The following EHHADH variants were observed in gnomAD, a reference collection of about 807,000 sequenced individuals.
EHHADH encodes peroxisomal bifunctional enzyme.
A neutral mutation model predicts 64.4 loss-of-function variants in EHHADH; 48 were observed. That is an observed-to-expected ratio of 0.75 (90% confidence interval 0.59 to 0.95). The LOEUF is 0.95. EHHADH is among the 40% of genes least tolerant of loss of function. The pLI is 0.00. For synonymous variants in EHHADH, 308 were observed against 326.7 expected (o/e 0.94, Z 0.62); for missense variants, 854 against 876.6 (o/e 0.97, Z 0.33).
rs781519143 is a variant in EHHADH, at chr3:185,218,260, CAAT to C, written c.464-23_464-21del. 13 of 1,530,412 alleles carry C rather than the reference CAAT, an allele frequency of 8.5e-6. No individual in the cohort carries two copies. The East Asian group carries it at 9.2e-5, about 11-fold the overall frequency. The allele number at this position is 1,530,412 out of a possible 1,614,324, so 94.8% of individuals were successfully genotyped here. On this transcript the variant is annotated intron_variant, in intron 4 of 6. Transcript: ENST00000231887. ...GTCTTCCTGAAATAAACAACAACAA[CAAT>C]AACAACAAATCAAAGAGCGATGTAA...
chr3:185,252,040 G>A (rs532196659), intron 1 of EHHADH, among the ~76,000 whole-genome samples: 14 of 152,278 alleles, frequency 9.2e-5, no homozygotes, highest in Non-Finnish European at 1.8e-4. Flanking sequence ...CCTGCAAAGA[G>A]GATGGGGGTG....
chr3:185,210,671 G>C (rs1718518170), intron 5 of EHHADH, among the ~76,000 whole-genome samples: 1 of 151,906 alleles, frequency 6.6e-6, no homozygotes, highest in Non-Finnish European at 1.5e-5. Flanking sequence ...TAAAGGTGGG[G>C]CCTAGTAAGA....
chr3:185,242,313 GA>G (rs1292278925), intron 2 of EHHADH, among the ~76,000 whole-genome samples: 4 of 152,056 alleles, frequency 2.6e-5, no homozygotes, highest in South Asian at 4.2e-4. Flanking sequence ...ATTAGAAAAA[GA>G]ATTCTAAAAT....
At chr3:185,234,028 T>C (rs1464861485) in intron 3 of EHHADH, among the ~76,000 whole-genome samples, 1 of 152,158 alleles carries the variant, frequency 6.6e-6, no homozygotes, top group Non-Finnish European at 1.5e-5. Context: ...TAGAATGAAA[T>C]AGAATGTTAA....
At position 185,194,387 on chromosome 3, in the gene EHHADH, C is replaced by T. The variant is rs556468239; in HGVS notation, c.911-900G>A. 3.3e-5 allele frequency among the ~76,000 whole-genome samples: 5 copies of T among 152,132 alleles called. No individual in the cohort carries two copies. The South Asian group carries it at 8.3e-4, about 25-fold the overall frequency. On this transcript the variant is annotated intron_variant, in intron 6 of 6. Transcript: ENST00000231887. ...CAGCACTCTGGGAGGCCGAGGTGGG[C>T]AGATCACCTGAGGTCAGGATTTCAA...
intron 4 of EHHADH, among the ~76,000 whole-genome samples, chr3:185,221,758 G>T (rs1718841188): frequency 6.6e-6 from 1 of 151,596 alleles, no homozygotes; most frequent in African/African-American, 2.4e-5. Flanking sequence ...ATTTTTAGTG[G>T]AGATGAGGTT....
At chr3:185,205,141 T>G (rs1007039230) in intron 5 of EHHADH, among the ~76,000 whole-genome samples, 2 of 151,802 alleles carry the variant, frequency 1.3e-5, no homozygotes, top group African/African-American at 4.8e-5. Context: ...AAAACGGTTC[T>G]GAGTTAATAT....
intron 3 of EHHADH, among the ~76,000 whole-genome samples, 179 bp from the exon 4 acceptor site, chr3:185,229,722 T>G (rs1349611009): frequency 6.6e-6 from 1 of 152,236 alleles, no homozygotes; most frequent in Non-Finnish European, 1.5e-5. Flanking sequence ...AACAGAGCTG[T>G]GCTGTCCCTA....
At chr3:185,205,555 A>C (rs1010520927) in intron 5 of EHHADH, among the ~76,000 whole-genome samples, 4 of 152,362 alleles carry the variant, frequency 2.6e-5, no homozygotes, top group African/African-American at 9.6e-5. Context: ...ATAGGTGTCC[A>C]AACAATTCAA....
At chr3:185,241,901 T>C (rs1044775724) in intron 2 of EHHADH, among the ~76,000 whole-genome samples, 1 of 152,212 alleles carries the variant, frequency 6.6e-6, no homozygotes, top group Non-Finnish European at 1.5e-5. Context: ...GTTTTTCCAA[T>C]GTTGTCTTCT....
intron 3 of EHHADH, 65 bp from the exon 4 acceptor site, chr3:185,229,608 G>T: frequency 9.7e-7 from 1 of 1,029,894 alleles, no homozygotes; most frequent in Non-Finnish European, 1.3e-6. Flanking sequence ...TAAGGCAAGC[G>T]TTTCCCTGGA....
At chr3:185,232,307 G>A (rs1387087377) in intron 3 of EHHADH, among the ~76,000 whole-genome samples, 2 of 152,190 alleles carry the variant, frequency 1.3e-5, no homozygotes, top group Non-Finnish European at 1.5e-5. Context: ...GTTGTGGTAA[G>A]AGGGACACAG....
At chr3:185,197,874 G>A (rs917100328) in intron 6 of EHHADH, among the ~76,000 whole-genome samples, 1 of 152,058 alleles carries the variant, frequency 6.6e-6, no homozygotes, top group Non-Finnish European at 1.5e-5. Flanking sequence ...TCGGAACACT[G>A]CAACCTCTGC....
At chr3:185,229,607 C>A in intron 3 of EHHADH, 64 bp from the exon 4 acceptor site, 2 of 1,040,608 alleles carry the variant, frequency 1.9e-6, no homozygotes, top group East Asian at 2.9e-5. Context: ...TTAAGGCAAG[C>A]GTTTCCCTGG....
chr3:185,252,999 C>T (rs1293000284), intron 1 of EHHADH, among the ~76,000 whole-genome samples: 1 of 151,924 alleles, frequency 6.6e-6, no homozygotes, highest in African/African-American at 2.4e-5. Context: ...CAACATTGAT[C>T]TCACTTTTTA....
At position 185,192,066 on chromosome 3, in the gene EHHADH, A is replaced by G. The variant is rs1717884875; in HGVS notation, c.*160T>C. 3.7e-6 allele frequency: 3 copies of G among 821,900 alleles called. No individual in the cohort carries two copies. The South Asian group carries it at 5.6e-5, about 15-fold the overall frequency. 50.9% of individuals were successfully genotyped at this position (821,900 alleles called of 1,614,324 possible). On this transcript the variant is annotated 3_prime_UTR_variant, in exon 7 of 7. Transcript: ENST00000231887. ...CAGAGGCATAGGAAGCACATTCCTA[A>G]AGATTTGACCATTAGAGTCGTTACA...
At chr3:185,248,164 G>T (rs1329112246) in intron 2 of EHHADH, 1 of 432,380 alleles carries the variant, frequency 2.3e-6, no homozygotes, top group Non-Finnish European at 4.1e-6. Flanking sequence ...ATCAGCAGGT[G>T]TATAACAGCC....
intron 2 of EHHADH, among the ~76,000 whole-genome samples, chr3:185,244,065 T>C (rs1159317179): frequency 1.3e-5 from 2 of 152,230 alleles, no homozygotes; most frequent in Non-Finnish European, 2.9e-5. Flanking sequence ...AAGACAGCTA[T>C]ATCTTCTCCT....
intron 6 of EHHADH, among the ~76,000 whole-genome samples, chr3:185,203,098 A>C (rs1156463222): frequency 6.6e-6 from 1 of 152,160 alleles, no homozygotes; most frequent in Non-Finnish European, 1.5e-5. Context: ...AGAAAAAAGA[A>C]AGAAAAATCA....
Sources: allele counts gnomAD v4.1 joint callset (sites outside exome capture counted in the v4.1 genomes callset), GRCh38; gene constraint gnomAD v4.1.1; transcripts MANE v1.5; gene names NCBI Gene and HGNC (gene_info 2026-07-23, HGNC 2026-07-21).